Variants in RPTOR observed in about 807,000 individuals in gnomAD.
RPTOR encodes the protein regulatory associated protein of MTOR complex 1.
RPTOR carries 21 observed loss-of-function variants against 169.9 expected under a neutral mutation model. The ratio of observed to expected loss-of-function variants is 0.12; its 90% CI spans 0.09 to 0.18. The LOEUF is 0.18. RPTOR is among the 10% of genes least tolerant of loss of function. The pLI is 1.00. For synonymous variants in RPTOR, 732 were observed against 753.2 expected (o/e 0.97, Z 0.46); for missense variants, 1,133 against 1,855.9 (o/e 0.61, Z 7.16).
chr17:80,625,219 A>C (rs1350381916), intron 1 of RPTOR, among the ~76,000 whole-genome samples: 1 of 152,228 alleles, frequency 6.6e-6, no homozygotes, highest in Non-Finnish European at 1.5e-5. Flanking sequence ...AGGCAGCATC[A>C]CTGATGTGAA....
chr17:80,781,870 T>C (rs1316204182), intron 6 of RPTOR, among the ~76,000 whole-genome samples: 1 of 152,240 alleles, frequency 6.6e-6, no homozygotes, highest in Non-Finnish European at 1.5e-5. Context: ...TGGCTTATCT[T>C]GGTCTCCAGC....
At chr17:80,887,451 T>C (rs2068262735) in intron 17 of RPTOR, among the ~76,000 whole-genome samples, 1 of 151,966 alleles carries the variant, frequency 6.6e-6, no homozygotes, top group African/African-American at 2.4e-5. Context: ...CACAGCTGGT[T>C]TTCTCTTCTG....
chr17:80,871,044 C>T (rs1348421890), intron 13 of RPTOR, among the ~76,000 whole-genome samples: 1 of 152,150 alleles, frequency 6.6e-6, no homozygotes, highest in African/African-American at 2.4e-5. Context: ...TTTTGATGAC[C>T]TTGACAGCTT....
At chr17:80,711,763 G>GAC (rs1567870194) in intron 4 of RPTOR, among the ~76,000 whole-genome samples, 2 of 56,380 alleles carry the variant, frequency 3.5e-5, no homozygotes, top group Non-Finnish European at 6.0e-5. Context: ...TTTTTTTTGA[G>GAC]GTTAAGTCTC....
intron 13 of RPTOR, among the ~76,000 whole-genome samples, chr17:80,863,531 C>T (rs932411374): frequency 6.6e-6 from 1 of 152,138 alleles, no homozygotes; most frequent in African/African-American, 2.4e-5. Context: ...ATAAAAAGAA[C>T]CCAACTTGAA....
chr17:80,942,053 A>G (rs903186216), intron 25 of RPTOR: 3 of 152,250 alleles, frequency 2.0e-5, no homozygotes, highest in South Asian at 2.1e-4. Flanking sequence ...GCATGTTGCA[A>G]TCCGGTGCGT....
Position 80,633,385 on chromosome 17 carries a change from C to T in RPTOR, c.265+7592C>T, listed in dbSNP as rs770368010. 4.6e-5 allele frequency among the ~76,000 whole-genome samples: 7 copies of T among 152,238 alleles called. No homozygotes were observed. Among genetic ancestry groups the T allele is most frequent in the Admixed American group, 1.3e-4 (2 of 15,290 alleles). On this transcript the variant is annotated intron_variant, in intron 2 of 33. Transcript: ENST00000306801. This position sits in a 1 kb window ranked among gnomAD's most constrained non-coding sequence, Gnocchi z 4.1. ...AGCGCCAGGATCCTGCTCAGCCATG[C>T]GCCATCCTAACTTCCTCTCACTCAG...
Position 80,845,566 on chromosome 17 carries a change from G to A in RPTOR, c.1213-907G>A, listed in dbSNP as rs762318814. ...CAGCCCTGCTCTGCCAGCCCAGCCT[G>A]TGCTTCCAGTCCCATCCCCCAGCCT... On this transcript the variant is annotated intron_variant, in intron 10 of 33. Transcript: ENST00000306801. This position sits in a 1 kb window ranked among gnomAD's most constrained non-coding sequence, Gnocchi z 5.4. 5.9e-5 allele frequency among the ~76,000 whole-genome samples: 9 copies of A among 151,888 alleles called. No homozygotes were observed. Among genetic ancestry groups the A allele is most frequent in the Non-Finnish European group, 1.3e-4 (9 of 67,970 alleles).
rs2066573695 is a variant in RPTOR, at chr17:80,746,267, ATCCCCACCGCCCCCACAGC to A, written c.655-7742_655-7724del. 1.6e-5 allele frequency among the ~76,000 whole-genome samples: 2 copies of A among 124,746 alleles called. No individual in the cohort carries two copies. The highest frequency in any genetic ancestry group is 4.5e-4 in the East Asian group (2 of 4,460). The allele number at this position is 124,746 out of a possible 152,430, so 81.8% of individuals were successfully genotyped here. A position where few individuals can be genotyped will look rare whatever the true frequency, so the allele number is the denominator to read the frequency against. The stretch of plus-strand genomic sequence containing the variant: ...CCCACAGCGGTGCTTTCTGCGGGTG[ATCCCCACCGCCCCCACAGC>A]GGTGCTTTCTGCGGGTGATCCCCAC... On this transcript the variant is annotated intron_variant, in intron 5 of 33. Transcript: ENST00000306801. The surrounding 1 kb of genome is among the most constrained non-coding windows in gnomAD (Gnocchi z 4.5).
intron 4 of RPTOR, among the ~76,000 whole-genome samples, chr17:80,727,088 A>G (rs2066342769): frequency 6.6e-6 from 1 of 151,718 alleles, no homozygotes; most frequent in Admixed American, 6.6e-5. Flanking sequence ...GAGAACGTGG[A>G]CGCTGCACCT....
At chr17:80,701,668 C>T (rs914270743) in intron 3 of RPTOR, among the ~76,000 whole-genome samples, 6 of 152,328 alleles carry the variant, frequency 3.9e-5, no homozygotes, top group East Asian at 1.9e-4. Context: ...GCAGGCATTT[C>T]GGTTTGTTGG....
intron 4 of RPTOR, among the ~76,000 whole-genome samples, chr17:80,728,162 T>C (rs2066356368): frequency 6.6e-6 from 1 of 152,250 alleles, no homozygotes; most frequent in Non-Finnish European, 1.5e-5. Flanking sequence ...TGCCTGTTTG[T>C]ATGTTTTGCC....
At chr17:80,679,384 G>T (rs543705094) in intron 3 of RPTOR, among the ~76,000 whole-genome samples, 1 of 152,212 alleles carries the variant, frequency 6.6e-6, no homozygotes, top group Non-Finnish European at 1.5e-5. Context: ...AGAGGCTTCC[G>T]CACAGCCACG....
intron 3 of RPTOR, among the ~76,000 whole-genome samples, chr17:80,677,185 T>C (rs2065867085): frequency 6.6e-6 from 1 of 152,240 alleles, no homozygotes; most frequent in Non-Finnish European, 1.5e-5. Flanking sequence ...TATACCTCTT[T>C]TTTAACTGCC....
At chr17:80,656,665 G>A (rs1284683015) in intron 3 of RPTOR, among the ~76,000 whole-genome samples, 2 of 152,174 alleles carry the variant, frequency 1.3e-5, no homozygotes, top group African/African-American at 4.8e-5. Flanking sequence ...AGCCACTTGG[G>A]ACTTTTGCCT....
rs2067903631 is a variant in RPTOR, at chr17:80,860,311, G to A, written c.1509+2411G>A. Among the ~76,000 whole-genome samples, 1 of 152,222 alleles carries A rather than the reference G, an allele frequency of 6.6e-6. No homozygotes were observed. Among genetic ancestry groups the A allele is most frequent in the South Asian group, 2.1e-4 (1 of 4,834 alleles). On this transcript the variant is annotated intron_variant, in intron 13 of 33. Transcript: ENST00000306801. This position sits in a 1 kb window ranked among gnomAD's most constrained non-coding sequence, Gnocchi z 5.8. The stretch of plus-strand genomic sequence containing the variant: ...CACTGACCCTGTTGTCCAGGCACTG[G>A]CAGGCACCCCGAGCCACAGGCTCGT...
chr17:80,556,940 C>T (rs1159351984), intron 1 of RPTOR, among the ~76,000 whole-genome samples: 6 of 151,876 alleles, frequency 4.0e-5, no homozygotes, highest in East Asian at 3.9e-4. Context: ...CTAAAAATAA[C>T]GAAAAATGAG....
chr17:80,723,192 C>G (rs527884108), intron 4 of RPTOR, among the ~76,000 whole-genome samples: 22 of 134,730 alleles, frequency 1.6e-4, no homozygotes, highest in African/African-American at 6.7e-4. Flanking sequence ...GTGTGTTTCT[C>G]CAATGTGAAG....
intron 13 of RPTOR, among the ~76,000 whole-genome samples, chr17:80,877,363 G>A (rs1457555672): frequency 6.6e-6 from 1 of 152,218 alleles, no homozygotes; most frequent in Non-Finnish European, 1.5e-5. Context: ...CGCTGAAAAT[G>A]AAGGTATGAA....
Sources: allele counts gnomAD v4.1 joint callset (sites outside exome capture counted in the v4.1 genomes callset), GRCh38; gene constraint gnomAD v4.1.1; non-coding constraint Gnocchi (gnomAD v3.1); transcripts MANE v1.5; gene names NCBI Gene and HGNC (gene_info 2026-07-23, HGNC 2026-07-21).